The following ZDHHC2 variants were observed in gnomAD, a reference collection of about 807,000 sequenced individuals.
The protein encoded by ZDHHC2 is zDHHC palmitoyltransferase 2.
A neutral mutation model predicts 55.6 loss-of-function variants in ZDHHC2; 51 were observed. The observed-to-expected ratio is 0.92, with a 90% confidence interval of 0.73 to 1.16. The LOEUF (loss-of-function observed/expected upper bound fraction) is 1.16. Among genes scored for constraint, ZDHHC2 ranks in the 50% most tolerant of loss-of-function variants. ZDHHC2 has a pLI of 0.00. For synonymous variants in ZDHHC2, 199 were observed against 152.9 expected (o/e 1.30, Z -2.22); for missense variants, 491 against 442.4 (o/e 1.11, Z -0.99).
At chr8:17,204,568 A>G (rs950430714) in intron 6 of ZDHHC2, among the ~76,000 whole-genome samples, 7 of 152,210 alleles carry the variant, frequency 4.6e-5, no homozygotes, top group African/African-American at 1.7e-4. Context: ...TTTGATAGAA[A>G]GAGAGTGAGC....
intron 10 of ZDHHC2, among the ~76,000 whole-genome samples, chr8:17,214,307 AC>A (rs1462139185): frequency 6.6e-6 from 1 of 152,184 alleles, no homozygotes; most frequent in Non-Finnish European, 1.5e-5. Flanking sequence ...GGTTTGTAAG[AC>A]CTGATAATTT....
intron 6 of ZDHHC2, among the ~76,000 whole-genome samples, chr8:17,199,602 A>C (rs753597338): frequency 0.38 from 17,224 of 44,796 alleles, 2,376 homozygotes; most frequent in East Asian, 0.51. Flanking sequence ...CTTCTTCTTT[A>C]TTCTTTCTTC....
chr8:17,163,275 G>C (rs1585638986), intron 1 of ZDHHC2, among the ~76,000 whole-genome samples: 2 of 152,296 alleles, frequency 1.3e-5, no homozygotes, highest in African/African-American at 2.4e-5. Context: ...CCCCAGCCTG[G>C]TAACAGCGGG....
chr8:17,199,639 T>TCCC (rs1806626235), intron 6 of ZDHHC2, among the ~76,000 whole-genome samples: 1 of 26,218 alleles, frequency 3.8e-5, no homozygotes, highest in Admixed American at 6.8e-4. Flanking sequence ...CTTCTTCTTC[T>TCCC]CCTCCTCCTC....
At chr8:17,189,469 C>T (rs1312466500) in intron 3 of ZDHHC2, among the ~76,000 whole-genome samples, 3 of 152,178 alleles carry the variant, frequency 2.0e-5, no homozygotes, top group Non-Finnish European at 1.5e-5. Flanking sequence ...TCACCAGTGC[C>T]TAAAGCAGTG....
chr8:17,196,852 A>G (rs1199798085), intron 4 of ZDHHC2, among the ~76,000 whole-genome samples: 1 of 152,062 alleles, frequency 6.6e-6, no homozygotes, highest in African/African-American at 2.4e-5. Context: ...CAGAGGCTAC[A>G]GTGAGCTGAG....
At chr8:17,197,551 T>G (rs756369814) in intron 4 of ZDHHC2, 31 bp from the exon 5 acceptor site, 1 of 1,600,462 alleles carries the variant, frequency 6.2e-7, no homozygotes, top group African/African-American at 1.3e-5. Flanking sequence ...CAGTGTTAAC[T>G]CTAAGACTAA....
At chr8:17,168,323 T>G (rs552070895) in intron 1 of ZDHHC2, among the ~76,000 whole-genome samples, 2 of 152,324 alleles carry the variant, frequency 1.3e-5, no homozygotes, top group African/African-American at 2.4e-5. Context: ...TTTCTCTGCT[T>G]ATCACTTCTG....
intron 6 of ZDHHC2, among the ~76,000 whole-genome samples, chr8:17,201,548 G>A (rs1806771721): frequency 7.4e-6 from 1 of 134,990 alleles, no homozygotes; most frequent in South Asian, 2.4e-4. Context: ...GCTAGAGTGT[G>A]GTGGTGCGAT....
intron 7 of ZDHHC2, among the ~76,000 whole-genome samples, chr8:17,206,928 A>G (rs1015283904): frequency 3.9e-5 from 6 of 152,174 alleles, no homozygotes; most frequent in Non-Finnish European, 5.9e-5. Context: ...TGCTAAGCAT[A>G]GAAAGACATG....
At chr8:17,208,635 G>A (rs1035438192) in intron 8 of ZDHHC2, among the ~76,000 whole-genome samples, 1 of 152,062 alleles carries the variant, frequency 6.6e-6, no homozygotes, top group Non-Finnish European at 1.5e-5. Flanking sequence ...ATTACAGTGG[G>A]TAGTCAATTA....
In ZDHHC2 at chr8:17,177,328, T is replaced by C. The variant is rs61433929; in HGVS notation, c.131-7461T>C. 9.5e-3 allele frequency among the ~76,000 whole-genome samples: 1,447 copies of C among 152,204 alleles called. 21 individuals carry two copies. Among genetic ancestry groups the C allele is most frequent in the African/African-American group, 0.033 (1,390 of 41,506 alleles). The stretch of plus-strand genomic sequence containing the variant: ...GGTAGAGAGAGTGATTTTGGATGAT[T>C]GTTAAATTTTCCTGTGAAAAGGCCA... On this transcript the variant is annotated intron_variant, in intron 1 of 12. Coordinates refer to ENST00000262096, the MANE Select transcript of ZDHHC2 (RefSeq NM_016353.5).
At chr8:17,204,631 G>A (rs538142751) in intron 6 of ZDHHC2, among the ~76,000 whole-genome samples, 2 of 152,206 alleles carry the variant, frequency 1.3e-5, no homozygotes, top group East Asian at 3.9e-4. Context: ...ACACAGAGGA[G>A]GGAACAACAC....
chr8:17,186,556 G>T, intron 3 of ZDHHC2, 131 bp downstream of exon 3: 1 of 542,440 alleles, frequency 1.8e-6, no homozygotes, highest in Non-Finnish European at 3.1e-6. Flanking sequence ...AAAAAAATTA[G>T]TATTTCTGTT....
At chr8:17,194,343 T>C (rs1055682056) in intron 3 of ZDHHC2, among the ~76,000 whole-genome samples, 11 of 141,516 alleles carry the variant, frequency 7.8e-5, no homozygotes, top group Middle Eastern at 3.5e-3. Flanking sequence ...TATAAATATA[T>C]AAATATATAT....
chr8:17,221,063 T>C lies in ZDHHC2; in HGVS notation c.*842T>C, dbSNP rs1171689569. 5 of 152,492 alleles carry C rather than the reference T, an allele frequency of 3.3e-5. No individual in the cohort carries two copies. The highest frequency in any genetic ancestry group is 7.4e-5 in the Non-Finnish European group (5 of 68,014). 9.4% of individuals were successfully genotyped at this position (152,492 alleles called of 1,614,324 possible). ...TAAAAATCTCTTTTTAGATTATTTC[T>C]CCTGTTGAACATAGTAAAACTATTG... On this transcript the variant is annotated 3_prime_UTR_variant, in exon 13 of 13. Coordinates refer to ENST00000262096, the MANE Select transcript of ZDHHC2 (RefSeq NM_016353.5).
At position 17,215,347 on chromosome 8, in the gene ZDHHC2, C is replaced by T; in HGVS notation, c.1061C>T (p.Ala354Val). Residue 354 changes from alanine to valine, a missense_variant and splice_region_variant, in exon 11 of 13, where the codon GCT becomes GTT. By Grantham distance (64) the Ala-to-Val change is moderately conservative. Transcript: ENST00000262096. ...AGCATAAACCCAGGAAAATGCAAAGCTGGTAAGGGTGTGCTTGTTTGGCTG... is the reference window on the plus strand; with the variant it reads ...AGCATAAACCCAGGAAAATGCAAAGTTGGTAAGGGTGTGCTTGTTTGGCTG... ...ESSINPGKCK[A>V]GMSNPALTME... 2 of 1,574,380 alleles carry T rather than the reference C, an allele frequency of 1.3e-6. No homozygotes were observed. Among genetic ancestry groups the T allele is most frequent in the Non-Finnish European group, 1.7e-6 (2 of 1,158,934 alleles).
At chr8:17,170,034 A>G (rs907116872) in intron 1 of ZDHHC2, among the ~76,000 whole-genome samples, 4 of 152,204 alleles carry the variant, frequency 2.6e-5, no homozygotes, top group African/African-American at 9.7e-5. Context: ...TTGTGACTGA[A>G]TACACATACT....
At chr8:17,196,052 G>T (rs900776850) in intron 4 of ZDHHC2, among the ~76,000 whole-genome samples, 2 of 152,130 alleles carry the variant, frequency 1.3e-5, no homozygotes, top group Admixed American at 1.3e-4. Flanking sequence ...TATAGGTGAT[G>T]TAAAATTTCA....
Sources: allele counts gnomAD v4.1 joint callset (sites outside exome capture counted in the v4.1 genomes callset), GRCh38; gene constraint gnomAD v4.1.1; transcripts MANE v1.5; gene names NCBI Gene and HGNC (gene_info 2026-07-23, HGNC 2026-07-21).